The following COG7 variants were observed in gnomAD, a reference collection of about 807,000 sequenced individuals.
COG7 encodes the protein conserved oligomeric Golgi complex subunit 7.
In COG7, 49 loss-of-function variants were observed where a neutral mutation model predicts 91.5. The ratio of observed to expected loss-of-function variants is 0.54; its 90% confidence interval spans 0.43 to 0.68. The LOEUF is 0.68. Among genes scored for constraint, COG7 ranks in the 30% least tolerant of loss-of-function variants. COG7 has a pLI of 0.00. For synonymous variants in COG7, 365 were observed against 388.7 expected (o/e 0.94, Z 0.72); for missense variants, 895 against 961.3 (o/e 0.93, Z 0.91).
chr16:23,427,802 A>C (rs188734649), intron 6 of COG7, among the ~76,000 whole-genome samples: 1 of 152,106 alleles, frequency 6.6e-6, no homozygotes, highest in Admixed American at 6.6e-5. Context: ...TCCTCTACCA[A>C]AGGTTCTTAC....
intron 6 of COG7, among the ~76,000 whole-genome samples, chr16:23,430,488 A>T (rs932482076): frequency 2.6e-5 from 4 of 151,910 alleles, no homozygotes. Flanking sequence ...GTAAGTAAAC[A>T]TTGAACTCTA....
At chr16:23,432,548 T>C (rs1012556094) in intron 6 of COG7, among the ~76,000 whole-genome samples, 6 of 152,210 alleles carry the variant, frequency 3.9e-5, no homozygotes, top group African/African-American at 1.4e-4. Context: ...TAAGCCACAC[T>C]AGAAACAGGC....
chr16:23,398,186 C>T (rs1015366569), intron 13 of COG7, 57 bp from the exon 14 acceptor site: 7 of 1,390,210 alleles, frequency 5.0e-6, no homozygotes, highest in African/African-American at 4.3e-5. Context: ...GCTGTGAAGA[C>T]GCCACCCAGA....
intron 8 of COG7, 42 bp downstream of exon 8, chr16:23,418,658 A>G: frequency 6.2e-7 from 1 of 1,609,270 alleles, no homozygotes; most frequent in Non-Finnish European, 8.5e-7. Context: ...ACCCTGGCTA[A>G]CAGAATGCTT....
intron 14 of COG7, among the ~76,000 whole-genome samples, chr16:23,394,033 CAA>C (rs1044445558): frequency 9.0e-6 from 1 of 111,654 alleles, no homozygotes; most frequent in Non-Finnish European, 1.8e-5. Context: ...GACTCTGTCT[CAA>C]AAAAAAAGAG....
At chr16:23,394,057 G>GAA (rs34646144) in intron 14 of COG7, among the ~76,000 whole-genome samples, 7 of 107,250 alleles carry the variant, frequency 6.5e-5, no homozygotes, top group Admixed American at 2.0e-4. Context: ...CTCTGTCTCA[G>GAA]AAAAAAAAAA....
At chr16:23,397,997 A>C (rs1963311821) in intron 14 of COG7, 49 bp downstream of exon 14, 3 of 1,450,844 alleles carry the variant, frequency 2.1e-6, no homozygotes, top group East Asian at 4.5e-5. Flanking sequence ...AAGACAAGGA[A>C]GGTCTGAAAG....
rs370957274 is a variant in COG7, at chr16:23,445,182, G to T, written c.319-18C>A. 7.0e-5 allele frequency: 109 copies of T among 1,565,864 alleles called. No homozygotes were observed. In the African/African-American group the frequency reaches 1.4e-3, roughly 20 times the overall value. On this transcript the variant is annotated intron_variant, in intron 2 of 16. Coordinates refer to ENST00000307149, the MANE Select transcript of COG7 (RefSeq NM_153603.4). The stretch of plus-strand genomic sequence containing the variant: ...ACCAACACCTGAAAGAGGCGTGAGG[G>T]GTGAAAAATGAAGGGGTAGGTCCTT...
At chr16:23,391,091 G>A (rs1472760874) in intron 16 of COG7, among the ~76,000 whole-genome samples, 1 of 152,284 alleles carries the variant, frequency 6.6e-6, no homozygotes, top group Non-Finnish European at 1.5e-5. Flanking sequence ...TACCTTCCCT[G>A]CCCCTAACCG....
At chr16:23,452,335 G>T (rs368888068) in intron 1 of COG7, among the ~76,000 whole-genome samples, 2 of 152,204 alleles carry the variant, frequency 1.3e-5, no homozygotes, top group African/African-American at 4.8e-5. Flanking sequence ...GCCAAGACTG[G>T]AAAACCCATT....
chr16:23,416,962 C>T lies in COG7; in HGVS notation c.1292+5G>A. 1 of 1,614,178 alleles carries T rather than the reference C, an allele frequency of 6.2e-7. No homozygotes were observed. The highest frequency in any genetic ancestry group is 1.1e-5 in the South Asian group (1 of 91,086). ...CCCGTCTGGTCCCCAGTTCCCCAGC[C>T]TTACTTGGCAAAGAGGGATTTCAGG... On this transcript the variant is annotated splice_donor_5th_base_variant and intron_variant, in intron 9 of 16. Transcript: ENST00000307149.
chr16:23,418,563 G>A, intron 8 of COG7, 137 bp downstream of exon 8: 1 of 724,668 alleles, frequency 1.4e-6, no homozygotes, highest in Non-Finnish European at 2.5e-6. Context: ...TTTTACATTG[G>A]GATTACAAGA....
chr16:23,393,249 T>C lies in COG7; in HGVS notation c.1986A>G (p.Pro662=), dbSNP rs1275768025. The change falls in exon 15 of 17, where the codon CCA becomes CCG. Residue 662 remains proline, a synonymous_variant. Transcript: ENST00000307149. ...LELALHAGKL[P]FPPEQGDELP... is the part of the protein sequence containing the mutation. ...CCCGCTTACCCTGCTCAGGAGGAAA[T>C]GGCAGCTTTCCAGCGTGCAATGCCA... is the stretch of plus-strand genomic sequence containing the variant. 3.1e-6 allele frequency: 5 copies of C among 1,613,608 alleles called. No individual in the cohort carries two copies. The Admixed American group carries it at 8.3e-5, about 27-fold the overall frequency.
Position 23,442,566 on chromosome 16 carries a change from T to G in COG7, c.515A>C (p.Glu172Ala). The G allele has an allele frequency of 6.2e-7, 1 of 1,614,148 alleles. No individual in the cohort carries two copies. The highest frequency in any genetic ancestry group is 8.5e-7 in the Non-Finnish European group (1 of 1,179,988). The change falls in exon 4 of 17, where the codon GAA (glutamate) becomes GCA (alanine). Residue 172 changes from glutamate (E) to alanine (A), a missense_variant. Glu to Ala is a moderately radical substitution (Grantham distance 107). Coordinates refer to ENST00000307149, the MANE Select transcript of COG7 (RefSeq NM_153603.4). The stretch of plus-strand genomic sequence containing the variant: ...CAGTGCCTCCAAGTGCACACACTTT[T>G]CTGAGTAGTCTGGTGTATCAACAAG... ...MMLVDTPDYS[E>A]KCVHLEALKN...
chr16:23,428,038 A>C (rs1963876402), intron 6 of COG7, among the ~76,000 whole-genome samples: 1 of 152,110 alleles, frequency 6.6e-6, no homozygotes, highest in Admixed American at 6.6e-5. Context: ...TTAGCCGGGC[A>C]TGGCAGCATG....
In COG7 at chr16:23,394,630, T is replaced by C. The variant is rs1218471538; in HGVS notation, c.1888-1283A>G. Among the ~76,000 whole-genome samples, 3 of 152,012 alleles carry C rather than the reference T, an allele frequency of 2.0e-5. No individual in the cohort carries two copies. In the East Asian group the frequency reaches 5.8e-4, roughly 30 times the overall value. ...GAGCTTCTCAATCTGGCCTCACACA[T>C]GTCTACGTAACAGCGGGCTCCTTTC... On this transcript the variant is annotated intron_variant, in intron 14 of 16. Coordinates refer to ENST00000307149, the MANE Select transcript of COG7 (RefSeq NM_153603.4).
chr16:23,421,810 C>T (rs1320828323), intron 7 of COG7, among the ~76,000 whole-genome samples: 6 of 144,256 alleles, frequency 4.2e-5, no homozygotes, highest in Non-Finnish European at 8.9e-5. Flanking sequence ...GAAATTGTGC[C>T]ACTGCACTCC....
chr16:23,432,019 T>C (rs1436086523), intron 6 of COG7, among the ~76,000 whole-genome samples: 2 of 151,700 alleles, frequency 1.3e-5, no homozygotes, highest in African/African-American at 2.4e-5. Flanking sequence ...TGGTGGCACA[T>C]ACGTGTATTC....
At chr16:23,389,192 C>T in intron 16 of COG7, 106 bp from the exon 17 acceptor site, 1 of 1,373,058 alleles carries the variant, frequency 7.3e-7, no homozygotes, top group Non-Finnish European at 1.0e-6. Flanking sequence ...GCTGCCCTGC[C>T]AAGTCCCTAG....
Sources: allele counts gnomAD v4.1 joint callset (sites outside exome capture counted in the v4.1 genomes callset), GRCh38; gene constraint gnomAD v4.1.1; transcripts MANE v1.5; gene names NCBI Gene and HGNC (gene_info 2026-07-23, HGNC 2026-07-21).